Variants in ANKS1B observed in about 807,000 individuals in gnomAD.
ANKS1B encodes the protein ankyrin repeat and sterile alpha motif domain containing 1B.
Under a neutral mutation model 148.3 loss-of-function variants are expected in ANKS1B, and 36 were observed. That is an observed-to-expected ratio of 0.24 (90% confidence interval 0.19 to 0.32). ANKS1B has a LOEUF of 0.32. Ranked by LOEUF, ANKS1B falls within the 10% of genes least tolerant of loss-of-function variation. The pLI is 1.00. For missense variants in ANKS1B, 1,157 were observed against 1,542.6 expected (o/e 0.75, Z 4.19); for synonymous variants, 542 against 560.8 (o/e 0.97, Z 0.47).
At chr12:99,682,032 T>C (rs571407932) in intron 8 of ANKS1B, among the ~76,000 whole-genome samples, 2 of 152,332 alleles carry the variant, frequency 1.3e-5, no homozygotes, top group East Asian at 1.9e-4. Flanking sequence ...AGGGACATTA[T>C]GTAATGATAA....
rs185068049 is a variant in ANKS1B at position 99,273,278 on chromosome 12, T to C, written c.1757-26414A>G. Among the ~76,000 whole-genome samples, 4 of 152,308 alleles carry C rather than the reference T, an allele frequency of 2.6e-5. No homozygotes were observed. In the East Asian group the frequency reaches 7.7e-4, roughly 29 times the overall value. On this transcript the variant is annotated intron_variant, in intron 12 of 26. Transcript: ENST00000683438. ...GGGGCCCAAAGGTCTCTTAATATAT[T>C]GTACTTTCTCTGTCCCTTCTATTCC...
chr12:99,053,982 G>A (rs2099967907), intron 16 of ANKS1B, among the ~76,000 whole-genome samples: 1 of 152,188 alleles, frequency 6.6e-6, no homozygotes, highest in African/African-American at 2.4e-5. Flanking sequence ...AAAGAAATGT[G>A]ACAGCAACAT....
At chr12:99,496,998 A>G (rs17386299) in intron 10 of ANKS1B, among the ~76,000 whole-genome samples, 19,244 of 152,050 alleles carry the variant, frequency 0.13, 1,536 homozygotes, top group Non-Finnish European at 0.17. Flanking sequence ...TTTAATCCCT[A>G]TATTTGTTAC....
intron 15 of ANKS1B, among the ~76,000 whole-genome samples, chr12:99,129,109 A>G (rs750879607): frequency 3.9e-5 from 6 of 152,190 alleles, no homozygotes; most frequent in Admixed American, 2.0e-4. Context: ...CTGAGGGTAA[A>G]GCATGGTGTC....
At chr12:98,980,978 A>C (rs1349975531) in intron 17 of ANKS1B, among the ~76,000 whole-genome samples, 1 of 152,138 alleles carries the variant, frequency 6.6e-6, no homozygotes, top group Non-Finnish European at 1.5e-5. Flanking sequence ...TGATGTTTGA[A>C]AACAGCTGCA....
chr12:99,636,991 G>C (rs2098243755), intron 9 of ANKS1B, among the ~76,000 whole-genome samples: 1 of 152,058 alleles, frequency 6.6e-6, no homozygotes, highest in South Asian at 2.1e-4. Flanking sequence ...TAATAATCAG[G>C]AAAATGTGAC....
intron 5 of ANKS1B, among the ~76,000 whole-genome samples, chr12:99,780,286 T>C (rs777412641): frequency 5.9e-5 from 9 of 152,112 alleles, no homozygotes; most frequent in Non-Finnish European, 1.3e-4. Flanking sequence ...TGATATCTTT[T>C]TTTTTTTGAG....
chr12:98,990,969 C>T (rs1454976959), intron 17 of ANKS1B, among the ~76,000 whole-genome samples: 1 of 152,058 alleles, frequency 6.6e-6, no homozygotes, highest in Non-Finnish European at 1.5e-5. Context: ...GCACCTGAAC[C>T]GAGGTATTTG....
chr12:99,679,733 A>C (rs1287947390), intron 8 of ANKS1B, among the ~76,000 whole-genome samples: 1 of 152,254 alleles, frequency 6.6e-6, no homozygotes, highest in Admixed American at 6.5e-5. Flanking sequence ...AAGTTAGAAC[A>C]CAATAGACCA....
At chr12:99,119,977 C>T (rs567933365) in intron 15 of ANKS1B, among the ~76,000 whole-genome samples, 2 of 152,216 alleles carry the variant, frequency 1.3e-5, no homozygotes, top group South Asian at 4.2e-4. Flanking sequence ...TAAATGGGAG[C>T]TATACATACA....
At position 98,800,675 on chromosome 12, in the gene ANKS1B, G is replaced by GATATATATATATATAT. The variant is rs3049844; in HGVS notation, c.3270+306_3270+321dup. Among the ~76,000 whole-genome samples the GATATATATATATATAT allele has an allele frequency of 2.0e-3, 200 of 99,696 alleles. 11 individuals are homozygous for GATATATATATATATAT. The highest frequency in any genetic ancestry group is 4.6e-3 in the African/African-American group (137 of 29,510). The allele number at this position is 99,696 out of a possible 152,430, so 65.4% of individuals were successfully genotyped here. ...ACCCAGTGTTTGGTGAGTGAGCAGA[G>GATATATATATATATAT]ATATATATATATATATGCCATATTT... is the stretch of plus-strand genomic sequence containing the variant. On this transcript the variant is annotated intron_variant, in intron 21 of 26. Coordinates refer to ENST00000683438, the MANE Select transcript of ANKS1B (RefSeq NM_001352186.2).
intron 17 of ANKS1B, among the ~76,000 whole-genome samples, chr12:98,997,396 T>C (rs368388150): frequency 6.8e-6 from 1 of 148,010 alleles, no homozygotes; most frequent in African/African-American, 2.6e-5. Context: ...ATCTTCCCAG[T>C]GTTTGCAATT....
chr12:98,776,271 T>C (rs1209549935), intron 24 of ANKS1B, among the ~76,000 whole-genome samples: 1 of 152,230 alleles, frequency 6.6e-6, no homozygotes, highest in Non-Finnish European at 1.5e-5. Flanking sequence ...CCTTGTGTCA[T>C]GCATTTATGA....
intron 9 of ANKS1B, among the ~76,000 whole-genome samples, chr12:99,512,373 T>C (rs2096775443): frequency 6.6e-6 from 1 of 151,948 alleles, no homozygotes; most frequent in African/African-American, 2.4e-5. Context: ...GCAGTCAGAA[T>C]GATGATTATT....
At chr12:99,104,332 CT>C (rs1187451386) in intron 15 of ANKS1B, among the ~76,000 whole-genome samples, 2 of 152,114 alleles carry the variant, frequency 1.3e-5, no homozygotes, top group African/African-American at 4.8e-5. Flanking sequence ...GCTAATCTTA[CT>C]TTTTAAAAGA....
At chr12:99,374,038 G>C (rs1037679955) in intron 12 of ANKS1B, among the ~76,000 whole-genome samples, 5 of 152,194 alleles carry the variant, frequency 3.3e-5, no homozygotes, top group African/African-American at 9.6e-5. Flanking sequence ...CATGCTGCCA[G>C]TTCCTTACAA....
rs371871111 is a variant in ANKS1B, at chr12:99,357,070, A to G, written c.1756+42561T>C. Among the ~76,000 whole-genome samples the G allele has an allele frequency of 7.3e-4, 111 of 152,182 alleles. 3 individuals are homozygous for G. In the South Asian group the frequency reaches 0.021, roughly 28 times the overall value. ...TCCTCGTCAACTGAGAATCTAGTGA[A>G]GGAATCAAATACATCTATTTATGTA... is the stretch of plus-strand genomic sequence containing the variant. On this transcript the variant is annotated intron_variant, in intron 12 of 26. Transcript: ENST00000683438.
At chr12:99,227,472 G>C (rs1197315614) in intron 14 of ANKS1B, among the ~76,000 whole-genome samples, 1 of 152,180 alleles carries the variant, frequency 6.6e-6, no homozygotes, top group East Asian at 1.9e-4. Context: ...GCCTAACACA[G>C]TGGGATGTTT....
At chr12:99,360,499 A>T (rs1476561417) in intron 12 of ANKS1B, among the ~76,000 whole-genome samples, 1 of 152,134 alleles carries the variant, frequency 6.6e-6, no homozygotes, top group Non-Finnish European at 1.5e-5. Flanking sequence ...TGGACAAAGT[A>T]TATTCCCTGA....
Sources: allele counts gnomAD v4.1 joint callset (sites outside exome capture counted in the v4.1 genomes callset), GRCh38; gene constraint gnomAD v4.1.1; transcripts MANE v1.5; gene names NCBI Gene and HGNC (gene_info 2026-07-23, HGNC 2026-07-21).